The following DENND2B variants were observed in gnomAD, a reference collection of about 807,000 sequenced individuals.
The protein encoded by DENND2B is DENN domain containing 2B, also known as DENN domain-containing protein 2B.
DENND2B carries 32 observed loss-of-function variants against 116.0 expected under a neutral mutation model. The ratio of observed to expected loss-of-function variants is 0.28; its 90% CI spans 0.21 to 0.37. DENND2B has a LOEUF of 0.37. DENND2B is among the 10% of genes least tolerant of loss of function. The probability of loss-of-function intolerance (pLI) is 1.00; values close to 1 mark genes in which losing one functional copy is unlikely to be tolerated. For missense variants in DENND2B, 1,276 were observed against 1,477.7 expected, an observed-to-expected ratio of 0.86 and a Z score of 2.24; for synonymous variants, 588 against 583.9, an observed-to-expected ratio of 1.01 and a Z score of -0.10.
rs183826479 is a variant in DENND2B, at chr11:8,743,551, A to G, written c.80+7070T>C. The stretch of plus-strand genomic sequence containing the variant: ...GGTGACAGAGTGAGACCCTGTCTCA[A>G]AAAAAAAAATTTTTTTTTTAAATTA... On this transcript the variant is annotated intron_variant, in intron 2 of 19. Transcript: ENST00000313726. 9.9e-3 allele frequency among the ~76,000 whole-genome samples: 1,501 copies of G among 151,252 alleles called. 21 individuals are homozygous for G. The highest frequency in any genetic ancestry group is 0.033 in the African/African-American group (1,374 of 41,334).
At chr11:8,728,962 G>A (rs2047605767) in intron 3 of DENND2B, among the ~76,000 whole-genome samples, 1 of 152,190 alleles carries the variant, frequency 6.6e-6, no homozygotes, top group African/African-American at 2.4e-5. Context: ...TGAGCATTCT[G>A]GGGTGGACTC....
intron 2 of DENND2B, among the ~76,000 whole-genome samples, chr11:8,737,534 A>G (rs1320802603): frequency 6.6e-6 from 1 of 152,206 alleles, no homozygotes; most frequent in Non-Finnish European, 1.5e-5. Context: ...GAAAAATTCA[A>G]GAAAAGGGAG....
intron 3 of DENND2B, among the ~76,000 whole-genome samples, chr11:8,843,054 T>C (rs1201615501): frequency 3.3e-5 from 5 of 151,978 alleles, no homozygotes; most frequent in Admixed American, 1.3e-4. Flanking sequence ...TCTCACTCTG[T>C]CACCCAGGCT....
In DENND2B at chr11:8,730,460, T is replaced by C; in HGVS notation, c.830A>G (p.Glu277Gly). 1 of 1,611,290 alleles carries C rather than the reference T, an allele frequency of 6.2e-7. No homozygotes were observed. Among genetic ancestry groups the C allele is most frequent in the South Asian group, 1.1e-5 (1 of 91,090 alleles). The change falls in exon 3 of 20, where the codon GAG (glutamate) becomes GGG (glycine). Residue 277 changes from glutamate to glycine, a missense_variant. By Grantham distance (98) the Glu-to-Gly change is moderately conservative. Coordinates refer to ENST00000313726, the MANE Select transcript of DENND2B (RefSeq NM_213618.2). This position sits in a 1 kb window ranked among gnomAD's most constrained non-coding sequence, Gnocchi z 4.1. ...GATCCGGCTCAGCACTGCTGAGCTCTCCTTCCTGCTGCCATGCCCCCTGAG... is the reference window on the plus strand; with the variant it reads ...GATCCGGCTCAGCACTGCTGAGCTCCCCTTCCTGCTGCCATGCCCCCTGAG... ...AFLRGHGSRK[E>G]SSAVLSRIQK...
chr11:8,705,284 A>T (rs2042397501), intron 13 of DENND2B, among the ~76,000 whole-genome samples: 1 of 152,066 alleles, frequency 6.6e-6, no homozygotes, highest in South Asian at 2.1e-4. Flanking sequence ...TGCAATCTTG[A>T]GAAGATGTCT....
chr11:8,884,260 A>G (rs2063934675), intron 1 of DENND2B, among the ~76,000 whole-genome samples: 1 of 150,702 alleles, frequency 6.6e-6, no homozygotes, highest in East Asian at 2.0e-4. Context: ...CTAAAAGGAT[A>G]CTAATACTAG....
intron 1 of DENND2B, among the ~76,000 whole-genome samples, chr11:8,909,569 C>T (rs888392499): frequency 3.3e-5 from 5 of 152,006 alleles, no homozygotes; most frequent in African/African-American, 1.2e-4. Flanking sequence ...CTAAAGGAGG[C>T]ACTTGATAAA....
At chr11:8,773,146 C>T (rs1309805320) in intron 1 of DENND2B, among the ~76,000 whole-genome samples, 2 of 152,184 alleles carry the variant, frequency 1.3e-5, no homozygotes, top group Non-Finnish European at 2.9e-5. Context: ...AGCCCATTCA[C>T]ACCCAGAGCC....
chr11:8,799,694 T>A (rs2060150753), intron 1 of DENND2B, among the ~76,000 whole-genome samples: 1 of 149,934 alleles, frequency 6.7e-6, no homozygotes, highest in Non-Finnish European at 1.5e-5. Context: ...TCCTCCTGCC[T>A]CAGCTTCCTA....
chr11:8,727,497 C>T (rs891014320), intron 3 of DENND2B, among the ~76,000 whole-genome samples: 6 of 152,194 alleles, frequency 3.9e-5, no homozygotes, highest in African/African-American at 1.4e-4. Context: ...TTCTCCTTTT[C>T]CATTTGCCTT....
intron 4 of DENND2B, among the ~76,000 whole-genome samples, chr11:8,818,463 T>A (rs1025604535): frequency 6.6e-6 from 1 of 152,096 alleles, no homozygotes; most frequent in African/African-American, 2.4e-5. Flanking sequence ...AGAAAATACC[T>A]TCAGCCTGGG....
chr11:8,882,391 A>G lies in DENND2B; in HGVS notation c.-255-1282T>C, dbSNP rs937384800. ...CCTTGGCACCCAAGGCTCACTTCAT[A>G]GCCCATAACCATTGTTCATAAGTAT... On this transcript the variant is annotated intron_variant, in intron 1 of 22. Coordinates refer to the DENND2B transcript ENST00000534127. 3.9e-5 allele frequency among the ~76,000 whole-genome samples: 6 copies of G among 152,332 alleles called. No homozygotes were observed. In the South Asian group the frequency reaches 1.2e-3, roughly 32 times the overall value.
chr11:8,826,156 G>T (rs1044761072), intron 4 of DENND2B, among the ~76,000 whole-genome samples: 1 of 152,116 alleles, frequency 6.6e-6, no homozygotes, highest in South Asian at 2.1e-4. Context: ...AATAAAGAAC[G>T]CTCACAGAAA....
chr11:8,831,354 C>A (rs1216537596), intron 4 of DENND2B, among the ~76,000 whole-genome samples: 1 of 152,206 alleles, frequency 6.6e-6, no homozygotes, highest in African/African-American at 2.4e-5. Context: ...CATGCCTAAA[C>A]CCACCTTCCC....
rs375850392 is a variant in DENND2B at position 8,714,232 on chromosome 11, C to T, written c.1943-190G>A. 5.9e-5 allele frequency among the ~76,000 whole-genome samples: 9 copies of T among 152,310 alleles called. No individual in the cohort carries two copies. In the East Asian group the frequency reaches 1.2e-3, roughly 20 times the overall value. The stretch of plus-strand genomic sequence containing the variant: ...CCAGGCTCCTTCAGAGCTCACACTG[C>T]GAATCCTATATTCAAACCCATGAGG... On this transcript the variant is annotated intron_variant, in intron 7 of 19. Transcript: ENST00000313726.
chr11:8,807,608 G>A (rs2060987300), intron 1 of DENND2B, among the ~76,000 whole-genome samples: 1 of 152,222 alleles, frequency 6.6e-6, no homozygotes, highest in Admixed American at 6.5e-5. Flanking sequence ...AGAAGGTACA[G>A]GAAGCGGAGT....
chr11:8,831,136 G>A (rs1206942864), intron 4 of DENND2B, among the ~76,000 whole-genome samples: 2 of 152,272 alleles, frequency 1.3e-5, no homozygotes, highest in African/African-American at 4.8e-5. Flanking sequence ...AAACTGGGAG[G>A]TGGAGCCCCT....
chr11:8,711,357 G>T, intron 9 of DENND2B, 126 bp from the exon 10 acceptor site: 1 of 720,806 alleles, frequency 1.4e-6, no homozygotes, highest in Non-Finnish European at 2.4e-6. Flanking sequence ...AGCAACCCTT[G>T]TCCCACTCCG....
upstream of DENND2B, chr11:8,811,615 C>T: frequency 3.0e-6 from 1 of 337,294 alleles, no homozygotes; most frequent in East Asian, 4.5e-5. Flanking sequence ...CCCTACCCAG[C>T]ATACATTTCT....
Sources: gnomAD v4.1 joint callset for allele counts (sites outside exome capture counted in the v4.1 genomes callset) on GRCh38, gnomAD v4.1.1 for gene constraint, Gnocchi (gnomAD v3.1) non-coding constraint, MANE v1.5 for transcripts, NCBI Gene and HGNC (gene_info 2026-07-23, HGNC 2026-07-21) for gene names.